Variants in NSRP1 observed in about 807,000 individuals in gnomAD.
NSRP1 encodes nuclear speckle splicing regulatory protein 1, also known as coiled-coil domain containing 55.
A neutral mutation model predicts 54.7 loss-of-function variants in NSRP1; 24 were observed. The ratio of observed to expected loss-of-function variants is 0.44; its 90% confidence interval spans 0.32 to 0.62. The LOEUF (loss-of-function observed/expected upper bound fraction) is 0.62. NSRP1 is among the 20% of genes least tolerant of loss of function. NSRP1 has a pLI of 0.06. For missense variants in NSRP1, 596 were observed against 651.2 expected (o/e 0.92, Z 0.92); for synonymous variants, 210 against 213.8 (o/e 0.98, Z 0.15).
chr17:30,169,453 C>G (rs1212070332), intron 2 of NSRP1, among the ~76,000 whole-genome samples: 1 of 151,820 alleles, frequency 6.6e-6, no homozygotes, highest in Non-Finnish European at 1.5e-5. Flanking sequence ...ACTCAGTGGT[C>G]AAGAAAAATA....
intron 2 of NSRP1, among the ~76,000 whole-genome samples, chr17:30,134,392 G>A (rs947678566): frequency 6.6e-6 from 1 of 152,202 alleles, no homozygotes; most frequent in African/African-American, 2.4e-5. Context: ...AAATGGCACT[G>A]ATAGACTTAC....
chr17:30,163,924 G>A lies in NSRP1; in HGVS notation c.115-8618G>A, dbSNP rs1269211615. 9.2e-5 allele frequency among the ~76,000 whole-genome samples: 14 copies of A among 152,106 alleles called. No individual in the cohort carries two copies. In the South Asian group the frequency reaches 2.7e-3, roughly 29 times the overall value. On this transcript the variant is annotated intron_variant, in intron 2 of 6. Coordinates refer to ENST00000247026, the MANE Select transcript of NSRP1 (RefSeq NM_032141.4). ...TGGTCTTGAACTCTTGACCTCAGGT[G>A]ATCTGCCCTCCTCGACCTCCCAAAG...
intron 2 of NSRP1, among the ~76,000 whole-genome samples, chr17:30,132,414 T>C (rs1469660645): frequency 6.7e-6 from 1 of 150,336 alleles, no homozygotes; most frequent in Admixed American, 6.6e-5. Flanking sequence ...GTTAGCCAGT[T>C]GTGGTGGCGT....
intron 2 of NSRP1, among the ~76,000 whole-genome samples, chr17:30,134,800 G>A (rs2071733960): frequency 6.6e-6 from 1 of 152,180 alleles, no homozygotes; most frequent in African/African-American, 2.4e-5. Flanking sequence ...AGGGTTAGTA[G>A]GGGACTGGCA....
chr17:30,138,908 C>G (rs1597600724), intron 2 of NSRP1, among the ~76,000 whole-genome samples: 33 of 64,902 alleles, frequency 5.1e-4, no homozygotes, highest in Admixed American at 1.4e-3. Flanking sequence ...CAAGTCTTAG[C>G]GTTTTTTTTT....
At chr17:30,141,769 A>G (rs2071807510) in intron 2 of NSRP1, among the ~76,000 whole-genome samples, 1 of 152,192 alleles carries the variant, frequency 6.6e-6, no homozygotes, top group Non-Finnish European at 1.5e-5. Context: ...GTGGGAGGCC[A>G]AAGTGGGCGG....
intron 2 of NSRP1, among the ~76,000 whole-genome samples, chr17:30,153,771 C>T (rs2071935470): frequency 6.6e-6 from 1 of 152,142 alleles, no homozygotes; most frequent in Non-Finnish European, 1.5e-5. Flanking sequence ...TTGCTGACCC[C>T]TGCTCTGGAT....
intron 2 of NSRP1, chr17:30,122,626 ACTC>A (rs2071614711): frequency 6.8e-6 from 1 of 146,952 alleles, no homozygotes. Context: ...CTGTTCTTGA[ACTC>A]CTGACCTCAG....
intron 2 of NSRP1, among the ~76,000 whole-genome samples, chr17:30,132,698 T>G (rs1348227065): frequency 6.6e-6 from 1 of 152,260 alleles, no homozygotes; most frequent in Non-Finnish European, 1.5e-5. Context: ...TCTAGTTCTC[T>G]TGCCATTTCT....
intron 3 of NSRP1, among the ~76,000 whole-genome samples, chr17:30,175,236 T>G (rs1043378004): frequency 1.3e-5 from 2 of 152,206 alleles, no homozygotes; most frequent in African/African-American, 4.8e-5. Context: ...CTTACAGATT[T>G]TGATAGGCAG....
chr17:30,119,426 T>C (rs2071577130), intron 2 of NSRP1, among the ~76,000 whole-genome samples: 1 of 152,204 alleles, frequency 6.6e-6, no homozygotes, highest in Non-Finnish European at 1.5e-5. Flanking sequence ...TTGGCCAGGC[T>C]GGTCTTGAAC....
At position 30,176,616 on chromosome 17, in the gene NSRP1, C is replaced by G. The variant is rs890412031; in HGVS notation, c.172-1455C>G. On this transcript the variant is annotated intron_variant, in intron 3 of 6. Coordinates refer to ENST00000247026, the MANE Select transcript of NSRP1 (RefSeq NM_032141.4). ...CAGTGCAAGACTTCGTCCCCCCCCCCCCAAAAAAAAAACAGCCCTCAGTCT... is the reference window on the plus strand; with the variant it reads ...CAGTGCAAGACTTCGTCCCCCCCCCGCCAAAAAAAAAACAGCCCTCAGTCT... 1.5e-3 allele frequency among the ~76,000 whole-genome samples: 184 copies of G among 121,356 alleles called. 3 individuals are homozygous for G. Among genetic ancestry groups the G allele is most frequent in the Middle Eastern group, 4.2e-3 (1 of 238 alleles). 79.6% of individuals were successfully genotyped at this position (121,356 alleles called of 152,430 possible). A position where few individuals can be genotyped will look rare whatever the true frequency, so the allele number is the denominator to read the frequency against.
chr17:30,125,827 C>G (rs191753273), intron 2 of NSRP1: 1 of 152,324 alleles, frequency 6.6e-6, no homozygotes, highest in Admixed American at 6.5e-5. Context: ...TGATTGCAGG[C>G]GTGAGCCACC....
intron 2 of NSRP1, among the ~76,000 whole-genome samples, chr17:30,140,520 CTTTTTT>C (rs10608409): frequency 8.5e-4 from 43 of 50,314 alleles, no homozygotes; most frequent in African/African-American, 3.3e-3. Flanking sequence ...TCAGATTTTA[CTTTTTT>C]TTTTTTTTTT....
intron 2 of NSRP1, among the ~76,000 whole-genome samples, chr17:30,150,940 G>A (rs184833392): frequency 2.0e-5 from 3 of 151,802 alleles, no homozygotes; most frequent in African/African-American, 4.8e-5. Flanking sequence ...TGCTCACCTC[G>A]GCCTCCCAAA....
At chr17:30,177,874 G>A in intron 3 of NSRP1, 197 bp from the exon 4 acceptor site, 1 of 647,352 alleles carries the variant, frequency 1.5e-6, no homozygotes, top group Non-Finnish European at 2.7e-6. Flanking sequence ...AACTTGCCCG[G>A]AGTAATTAGT....
At position 30,129,585 on chromosome 17, in the gene NSRP1, T is replaced by G. The variant is rs551137839; in HGVS notation, c.114+11412T>G. ...AAAAAGTAAGTTGAAGGTTTGGTTT[T>G]CCTAATGAAAAATTAATCTTATTTT... On this transcript the variant is annotated intron_variant, in intron 2 of 6. Coordinates refer to ENST00000247026, the MANE Select transcript of NSRP1 (RefSeq NM_032141.4). Among the ~76,000 whole-genome samples the G allele has an allele frequency of 9.7e-4, 147 of 152,322 alleles. 1 individual carries two copies. The highest frequency in any genetic ancestry group is 3.4e-3 in the Middle Eastern group (1 of 292).
intron 2 of NSRP1, among the ~76,000 whole-genome samples, chr17:30,124,073 A>C (rs184839479): frequency 6.6e-6 from 1 of 151,942 alleles, no homozygotes; most frequent in East Asian, 1.9e-4. Flanking sequence ...CTAGGAGTTC[A>C]AGTCCAGCCT....
At chr17:30,175,603 T>G (rs1905100049) in intron 3 of NSRP1, among the ~76,000 whole-genome samples, 1 of 152,036 alleles carries the variant, frequency 6.6e-6, no homozygotes, top group Admixed American at 6.6e-5. Context: ...TGGCTAATTT[T>G]TATATTTTTA....
Sources: gnomAD v4.1 joint callset for allele counts (sites outside exome capture counted in the v4.1 genomes callset) on GRCh38, gnomAD v4.1.1 for gene constraint, MANE v1.5 for transcripts, NCBI Gene and HGNC (gene_info 2026-07-23, HGNC 2026-07-21) for gene names.